NCAM2: variants seen among roughly 807,000 people sequenced by gnomAD.
NCAM2 encodes neural cell adhesion molecule 2.
NCAM2 carries 30 observed loss-of-function variants against 98.1 expected under a neutral mutation model. The observed-to-expected ratio is 0.31, with a 90% CI of 0.23 to 0.41. NCAM2 has a LOEUF of 0.41. Among genes scored for constraint, NCAM2 ranks in the 10% least tolerant of loss-of-function variants. The pLI is 1.00. For synonymous variants in NCAM2, 368 were observed against 342.4 expected (o/e 1.07, Z -0.83); for missense variants, 867 against 1,005.8 (o/e 0.86, Z 1.87).
intron 1 of NCAM2, among the ~76,000 whole-genome samples, chr21:21,138,485 T>G (rs1233000388): frequency 1.3e-5 from 2 of 152,182 alleles, no homozygotes; most frequent in African/African-American, 4.8e-5. Flanking sequence ...TTTATTTGCC[T>G]ACTACACAGT....
At chr21:21,088,495 C>T (rs1385855639) in intron 1 of NCAM2, among the ~76,000 whole-genome samples, 1 of 152,056 alleles carries the variant, frequency 6.6e-6, no homozygotes, top group Non-Finnish European at 1.5e-5. Context: ...ATTTTGTTTC[C>T]TCAAATTTTC....
intron 8 of NCAM2, among the ~76,000 whole-genome samples, chr21:21,363,318 T>C (rs62207731): frequency 0.014 from 2,176 of 152,196 alleles, 43 homozygotes; most frequent in Admixed American, 0.037. Context: ...ATGGCTAGCT[T>C]TGTTTAGATC....
chr21:21,425,112 T>A (rs2077188366), intron 11 of NCAM2, among the ~76,000 whole-genome samples: 1 of 149,814 alleles, frequency 6.7e-6, no homozygotes, highest in East Asian at 2.0e-4. Flanking sequence ...GAGGGAAATT[T>A]GGAGATTTTT....
chr21:21,403,244 A>G (rs1052225055), intron 9 of NCAM2, among the ~76,000 whole-genome samples: 5 of 152,162 alleles, frequency 3.3e-5, no homozygotes, highest in African/African-American at 1.2e-4. Flanking sequence ...TGCTCACAAA[A>G]TAGTAGAGAT....
intron 11 of NCAM2, among the ~76,000 whole-genome samples, chr21:21,419,751 A>G (rs761603222): frequency 2.5e-4 from 38 of 151,992 alleles, no homozygotes; most frequent in Admixed American, 5.9e-4. Flanking sequence ...TTCTTAATCC[A>G]GTCTATCATT....
At chr21:21,015,756 C>T (rs1230512399) in intron 1 of NCAM2, among the ~76,000 whole-genome samples, 3 of 152,012 alleles carry the variant, frequency 2.0e-5, no homozygotes, top group South Asian at 4.1e-4. Flanking sequence ...CAGGCTGGAG[C>T]GCAATGGCAC....
chr21:21,484,885 T>A (rs1986213341), intron 15 of NCAM2, among the ~76,000 whole-genome samples: 1 of 152,186 alleles, frequency 6.6e-6, no homozygotes, highest in African/African-American at 2.4e-5. Context: ...TCACTTGTAC[T>A]TGAAACTTAA....
At chr21:21,017,435 A>AAAAG in intron 1 of NCAM2, among the ~76,000 whole-genome samples, 1 of 150,244 alleles carries the variant, frequency 6.7e-6, no homozygotes, top group Non-Finnish European at 1.5e-5. Context: ...AAAAAAAAAA[A>AAAAG]AAAAAAAAAA....
At chr21:21,144,375 A>C (rs2067230455) in intron 1 of NCAM2, among the ~76,000 whole-genome samples, 1 of 152,230 alleles carries the variant, frequency 6.6e-6, no homozygotes, top group East Asian at 1.9e-4. Flanking sequence ...CAACATTTCA[A>C]ATTACAAAAC....
At chr21:21,438,009 A>T (rs1475559585) in intron 12 of NCAM2, among the ~76,000 whole-genome samples, 1 of 152,134 alleles carries the variant, frequency 6.6e-6, no homozygotes, top group African/African-American at 2.4e-5. Context: ...AAGTTTAAGA[A>T]TTCTATGTAA....
chr21:21,478,837 T>A (rs1220783939), intron 15 of NCAM2, among the ~76,000 whole-genome samples: 1 of 152,158 alleles, frequency 6.6e-6, no homozygotes, highest in Non-Finnish European at 1.5e-5. Flanking sequence ...TAATGACATG[T>A]TGGAGGTCAG....
At chr21:21,532,417 G>C (rs1037823547) in intron 16 of NCAM2, among the ~76,000 whole-genome samples, 2 of 151,938 alleles carry the variant, frequency 1.3e-5, no homozygotes, top group African/African-American at 4.8e-5. Context: ...AATTAAAAAG[G>C]TCACCAAAAA....
chr21:21,259,353 C>T (rs1278555844), intron 1 of NCAM2, among the ~76,000 whole-genome samples: 1 of 151,490 alleles, frequency 6.6e-6, no homozygotes, highest in Admixed American at 6.6e-5. Flanking sequence ...GCACAAAAAC[C>T]GTATGAACTG....
intron 1 of NCAM2, among the ~76,000 whole-genome samples, chr21:21,048,336 C>A (rs6518055): frequency 1 from 152,156 of 152,156 alleles, 76,078 homozygotes; most frequent in Non-Finnish European, 1. Flanking sequence ...AAGTTGTCCC[C>A]CCTTTCTGAA....
rs74311306 is a variant in NCAM2, at chr21:21,257,586, T to C, written c.56-22992T>C. On this transcript the variant is annotated intron_variant, in intron 1 of 17. Transcript: ENST00000400546. ...AGAAAGACCATGCAATGTTGACTCTTTTTTTTATTTTTTCCTCTCTCTCTT... is the reference window on the plus strand; with the variant it reads ...AGAAAGACCATGCAATGTTGACTCTCTTTTTTATTTTTTCCTCTCTCTCTT... Among the ~76,000 whole-genome samples the C allele has an allele frequency of 8.2e-4, 125 of 152,202 alleles. 1 individual carries two copies. In the East Asian group the frequency reaches 0.023, roughly 28 times the overall value.
At chr21:21,352,762 CACTTTCAAGTTGTTGCACATGT>C (rs1428147311) in intron 8 of NCAM2, among the ~76,000 whole-genome samples, 2 of 130,488 alleles carry the variant, frequency 1.5e-5, no homozygotes, top group Non-Finnish European at 3.2e-5. Context: ...ACTAGAAAAA[CACTTTCAAGTTGTTGCACATGT>C]ACCCTAAAAC....
chr21:21,373,487 G>C (rs1014088064), intron 8 of NCAM2, among the ~76,000 whole-genome samples: 2 of 151,830 alleles, frequency 1.3e-5, no homozygotes, highest in Admixed American at 1.3e-4. Flanking sequence ...ATATTGTGGA[G>C]AGTACAAGTA....
intron 1 of NCAM2, among the ~76,000 whole-genome samples, chr21:21,089,665 T>C (rs2065972888): frequency 6.6e-6 from 1 of 152,152 alleles, no homozygotes; most frequent in South Asian, 2.1e-4. Context: ...GTTTATATGG[T>C]TCAGTGATTG....
chr21:21,430,501 G>A (rs2077311076), intron 11 of NCAM2, among the ~76,000 whole-genome samples: 1 of 150,062 alleles, frequency 6.7e-6, no homozygotes. Flanking sequence ...TCCTGGGGAG[G>A]CCTCAGGAAA....
Sources: gnomAD v4.1 joint callset for allele counts (sites outside exome capture counted in the v4.1 genomes callset) on GRCh38, gnomAD v4.1.1 for gene constraint, MANE v1.5 for transcripts, NCBI Gene and HGNC (gene_info 2026-07-23, HGNC 2026-07-21) for gene names.